PRKN: variants seen among roughly 807,000 people sequenced by gnomAD.
PRKN encodes the protein E3 ubiquitin-protein ligase parkin.
In PRKN, 56 loss-of-function variants were observed where a neutral mutation model predicts 59.5. That is an observed-to-expected ratio of 0.94 (90% CI 0.76 to 1.18). The LOEUF is 1.18. Among genes scored for constraint, PRKN ranks in the 50% most tolerant of loss-of-function variants. PRKN has a pLI of 0.00. For missense variants in PRKN, 657 were observed against 596.4 expected, an observed-to-expected ratio of 1.10 and a Z score of -1.06; for synonymous variants, 250 against 222.1, an observed-to-expected ratio of 1.13 and a Z score of -1.12.
intron 2 of PRKN, among the ~76,000 whole-genome samples, chr6:162,356,747 T>TAAAAAAAAAAAAAAAAAAAAAAAA (rs748212596): frequency 1.4e-5 from 1 of 73,064 alleles, no homozygotes. Flanking sequence ...TGATTATTAG[T>TAAAAAAAAAAAAAAAAAAAAAAAA]AAAAAAAAAA....
At chr6:161,556,494 G>C (rs115127364) in intron 8 of PRKN, among the ~76,000 whole-genome samples, 1 of 152,086 alleles carries the variant, frequency 6.6e-6, no homozygotes, top group Non-Finnish European at 1.5e-5. Context: ...AGTTACCTTC[G>C]AGATATAATC....
At chr6:162,116,124 C>T (rs1309241317) in intron 4 of PRKN, among the ~76,000 whole-genome samples, 1 of 152,158 alleles carries the variant, frequency 6.6e-6, no homozygotes, top group Non-Finnish European at 1.5e-5. Flanking sequence ...TACCCTTGAG[C>T]AGGGGGTATA....
At chr6:161,669,462 A>G (rs1235650595) in intron 7 of PRKN, among the ~76,000 whole-genome samples, 3 of 152,208 alleles carry the variant, frequency 2.0e-5, no homozygotes, top group Non-Finnish European at 4.4e-5. Context: ...CACCTGCTAA[A>G]AAATGACCAT....
chr6:162,011,032 T>C (rs1405316544), intron 5 of PRKN, among the ~76,000 whole-genome samples: 1 of 7,544 alleles, frequency 1.3e-4, no homozygotes, highest in Non-Finnish European at 1.6e-4. Context: ...AATATATAAT[T>C]ATAATATATA....
intron 9 of PRKN, among the ~76,000 whole-genome samples, chr6:161,517,564 C>A (rs140944759): frequency 0.071 from 10,733 of 151,628 alleles, 497 homozygotes; most frequent in African/African-American, 0.13. Context: ...CACGGTGAAA[C>A]CCTGTCTCTA....
intron 4 of PRKN, among the ~76,000 whole-genome samples, chr6:162,127,672 A>G (rs1409525233): frequency 2.6e-5 from 4 of 152,234 alleles, no homozygotes; most frequent in African/African-American, 7.2e-5. Context: ...AACTTTTCCT[A>G]GAAATTATAA....
At chr6:162,607,358 A>C (rs1301915396) in intron 1 of PRKN, among the ~76,000 whole-genome samples, 1 of 152,178 alleles carries the variant, frequency 6.6e-6, no homozygotes, top group Non-Finnish European at 1.5e-5. Flanking sequence ...GATGTTGCTC[A>C]GGTGGCACTG....
intron 2 of PRKN, among the ~76,000 whole-genome samples, chr6:162,370,072 C>T (rs2128136483): frequency 6.6e-6 from 1 of 152,276 alleles, no homozygotes; most frequent in Middle Eastern, 3.4e-3. Context: ...ATGGTTTTCT[C>T]TATGAAGAAA....
rs575399261 is a variant in PRKN, at chr6:162,637,468, G to C, written c.7+90194C>G. On this transcript the variant is annotated intron_variant, in intron 1 of 11. Transcript: ENST00000366898. The stretch of plus-strand genomic sequence containing the variant: ...AGGGAGAGATCAAAGTCTTACATGA[G>C]AAACCCCTGAGCACAGCTGACAGGA... 2.6e-5 allele frequency among the ~76,000 whole-genome samples: 4 copies of C among 152,178 alleles called. No homozygotes were observed. In the East Asian group the frequency reaches 7.7e-4, roughly 29 times the overall value.
intron 2 of PRKN, among the ~76,000 whole-genome samples, chr6:162,389,127 T>C (rs1385582958): frequency 2.0e-5 from 3 of 151,968 alleles, no homozygotes; most frequent in Non-Finnish European, 4.4e-5. Context: ...GATGTGTGAG[T>C]CCTGCCAAAG....
At position 162,391,718 on chromosome 6, in the gene PRKN, T is replaced by C. The variant is rs138824530; in HGVS notation, c.171+51592A>G. On this transcript the variant is annotated intron_variant, in intron 2 of 11. Transcript: ENST00000366898. ...TTTCTTACTGCTCATGCTTGACAGC[T>C]GGGTCTCCACACTGCATCACTTCCA... Among the ~76,000 whole-genome samples, 756 of 152,334 alleles carry C rather than the reference T, an allele frequency of 5.0e-3. 5 individuals carry two copies. The highest frequency in any genetic ancestry group is 0.017 in the African/African-American group (698 of 41,574).
intron 2 of PRKN, among the ~76,000 whole-genome samples, chr6:162,274,569 T>C (rs1780534402): frequency 6.6e-6 from 1 of 152,146 alleles, no homozygotes; most frequent in African/African-American, 2.4e-5. Flanking sequence ...GTTTAGAATA[T>C]TTGCAAGGTT....
At chr6:162,500,667 A>G (rs1793323261) in intron 1 of PRKN, among the ~76,000 whole-genome samples, 2 of 152,180 alleles carry the variant, frequency 1.3e-5, no homozygotes, top group South Asian at 4.1e-4. Flanking sequence ...AGACACAAAG[A>G]ACTAAATAAG....
intron 7 of PRKN, among the ~76,000 whole-genome samples, chr6:161,738,125 T>C (rs1326394204): frequency 6.6e-6 from 1 of 152,200 alleles, no homozygotes. Context: ...ATGCAGATGA[T>C]TTCCTCTTCT....
chr6:162,119,335 C>T (rs1471163952), intron 4 of PRKN, among the ~76,000 whole-genome samples: 7 of 152,164 alleles, frequency 4.6e-5, no homozygotes, highest in Non-Finnish European at 1.0e-4. Context: ...AGCTGCCAAC[C>T]TGTGTTTTGC....
In PRKN at chr6:161,566,381, C is replaced by T. The variant is rs1249460910; in HGVS notation, c.933+2974G>A. Among the ~76,000 whole-genome samples the T allele has an allele frequency of 2.6e-5, 4 of 152,140 alleles. No homozygotes were observed. The highest frequency in any genetic ancestry group is 9.7e-5 in the African/African-American group (4 of 41,430). On this transcript the variant is annotated intron_variant, in intron 8 of 11. Transcript: ENST00000366898. This position sits in a 1 kb window ranked among gnomAD's most constrained non-coding sequence, Gnocchi z 4.1. ...TTCCTTTGGCTCCCAGGTCATGATA[C>T]CTGCCTGGATTTTTTCCCACCTTAT...
intron 1 of PRKN, among the ~76,000 whole-genome samples, chr6:162,697,067 A>G (rs1777997684): frequency 6.6e-6 from 1 of 151,972 alleles, no homozygotes; most frequent in South Asian, 2.1e-4. Flanking sequence ...TTCAATTCAG[A>G]CTCCAAATAT....
rs555732287 is a variant in PRKN, at chr6:161,692,817, G to A, written c.871+92955C>T. On this transcript the variant is annotated intron_variant, in intron 7 of 11. Transcript: ENST00000366898. ...CACAAAAATTAGCTGGCATGGTAGC[G>A]CACACCTGTAATCCCAGCTACTTGG... 1.7e-4 allele frequency among the ~76,000 whole-genome samples: 26 copies of A among 151,956 alleles called. 1 individual carries two copies. Among genetic ancestry groups the A allele is most frequent in the Non-Finnish European group, 3.7e-4 (25 of 67,970 alleles).
At chr6:162,173,534 C>CT (rs5741635) in intron 4 of PRKN, among the ~76,000 whole-genome samples, 50 of 146,504 alleles carry the variant, frequency 3.4e-4, no homozygotes, top group Admixed American at 1.6e-3. Context: ...TTTGATGCAG[C>CT]TTTTTTTTTT....
Sources: allele counts gnomAD v4.1 joint callset (sites outside exome capture counted in the v4.1 genomes callset), GRCh38; gene constraint gnomAD v4.1.1; non-coding constraint Gnocchi (gnomAD v3.1); transcripts MANE v1.5; gene names NCBI Gene and HGNC (gene_info 2026-07-23, HGNC 2026-07-21).